The following RGS7 variants were observed in gnomAD, a reference collection of about 807,000 sequenced individuals.
RGS7 encodes the protein regulator of G-protein signaling 7.
A neutral mutation model predicts 81.1 loss-of-function variants in RGS7; 27 were observed. The ratio of observed to expected loss-of-function variants is 0.33; its 90% CI spans 0.25 to 0.46. The LOEUF is 0.46. Ranked by LOEUF, RGS7 falls within the 20% of genes least tolerant of loss-of-function variation. The pLI is 1.00. For synonymous variants in RGS7, 208 were observed against 207.7 expected (o/e 1.00, Z -0.01); for missense variants, 396 against 607.4 (o/e 0.65, Z 3.66).
In RGS7 at chr1:241,055,808, C is replaced by T. The variant is rs924725261; in HGVS notation, c.175+42858G>A. ...CTTCTTCAGTTTCCCTGGAAACCAG[C>T]CCCCATCCTGAGGCTACCCAGGAGC... On this transcript the variant is annotated intron_variant, in intron 3 of 18. Transcript: ENST00000440928. 1.8e-4 allele frequency among the ~76,000 whole-genome samples: 28 copies of T among 152,272 alleles called. 1 individual carries two copies. The highest frequency in any genetic ancestry group is 3.3e-4 in the Admixed American group (5 of 15,298).
Position 241,355,821 on chromosome 1 carries a change from T to A in RGS7, c.-45A>T, listed in dbSNP as rs997253389. The A allele has an allele frequency of 6.5e-7, 1 of 1,537,362 alleles. No homozygotes were observed. ...ACTCTCAAGATACAAGAATTATCAG[T>A]GTGCCCTGCAAAGGGTCAGAGAGAC... On this transcript the variant is annotated 5_prime_UTR_variant, in exon 2 of 19. Transcript: ENST00000440928.
chr1:240,819,253 CAG>C (rs1455316900), intron 10 of RGS7, among the ~76,000 whole-genome samples: 82 of 152,058 alleles, frequency 5.4e-4, no homozygotes, highest in Non-Finnish European at 4.4e-5. Flanking sequence ...GTCATATAAA[CAG>C]TGCTTATAAA....
chr1:241,143,837 G>A (rs893121065), intron 2 of RGS7, among the ~76,000 whole-genome samples: 1 of 152,174 alleles, frequency 6.6e-6, no homozygotes, highest in African/African-American at 2.4e-5. Context: ...TGAGGGCAAA[G>A]CCTCATGAAT....
At chr1:240,842,314 T>G (rs1344977719) in intron 9 of RGS7, among the ~76,000 whole-genome samples, 1 of 150,672 alleles carries the variant, frequency 6.6e-6, no homozygotes, top group African/African-American at 2.4e-5. Flanking sequence ...TTCTCATGCC[T>G]CAGCCTCCCG....
At chr1:240,825,548 C>T (rs1016596908) in intron 10 of RGS7, among the ~76,000 whole-genome samples, 2 of 152,112 alleles carry the variant, frequency 1.3e-5, no homozygotes, top group African/African-American at 2.4e-5. Flanking sequence ...CAAATGTTAG[C>T]GCTAGACAGC....
intron 2 of RGS7, among the ~76,000 whole-genome samples, chr1:241,319,845 C>G (rs1484940196): frequency 6.6e-6 from 1 of 152,170 alleles, no homozygotes; most frequent in Non-Finnish European, 1.5e-5. Flanking sequence ...GTAATCCCAG[C>G]ACTTTGGGAG....
At chr1:240,884,259 A>T (rs376003658) in intron 6 of RGS7, among the ~76,000 whole-genome samples, 1 of 152,156 alleles carries the variant, frequency 6.6e-6, no homozygotes, top group Non-Finnish European at 1.5e-5. Flanking sequence ...AAAAATATAC[A>T]TTAAATAAGA....
chr1:240,810,303 C>T (rs1689616506), intron 14 of RGS7, among the ~76,000 whole-genome samples: 1 of 152,064 alleles, frequency 6.6e-6, no homozygotes, highest in Admixed American at 6.6e-5. Flanking sequence ...GCTGGTAAGG[C>T]TTATTACTTA....
At chr1:241,161,261 GT>G (rs975314762) in intron 2 of RGS7, among the ~76,000 whole-genome samples, 3 of 152,102 alleles carry the variant, frequency 2.0e-5, no homozygotes, top group African/African-American at 7.2e-5. Flanking sequence ...GAATCCGTGA[GT>G]TCTTACACTG....
At chr1:241,114,266 T>C (rs937237716) in intron 2 of RGS7, among the ~76,000 whole-genome samples, 1 of 152,186 alleles carries the variant, frequency 6.6e-6, no homozygotes, top group Non-Finnish European at 1.5e-5. Flanking sequence ...AATCTAGTTA[T>C]ATTAGATACC....
chr1:241,196,606 T>C (rs1558178782), intron 2 of RGS7, among the ~76,000 whole-genome samples: 1 of 152,072 alleles, frequency 6.6e-6, no homozygotes, highest in East Asian at 1.9e-4. Flanking sequence ...AATAAGGTGA[T>C]ACAATTTATT....
chr1:241,205,432 T>C (rs185775726), intron 2 of RGS7, among the ~76,000 whole-genome samples: 5 of 151,718 alleles, frequency 3.3e-5, no homozygotes, highest in South Asian at 2.1e-4. Context: ...AATTAGCTAG[T>C]GGGAAAAAAT....
At chr1:240,956,920 A>C (rs1045635505) in intron 4 of RGS7, among the ~76,000 whole-genome samples, 1 of 152,182 alleles carries the variant, frequency 6.6e-6, no homozygotes, top group African/African-American at 2.4e-5. Flanking sequence ...AGTACTCCTC[A>C]AAACGGTTAA....
intron 3 of RGS7, among the ~76,000 whole-genome samples, chr1:241,016,685 G>T (rs931702015): frequency 2.0e-5 from 3 of 152,132 alleles, no homozygotes; most frequent in African/African-American, 7.2e-5. Context: ...TGTCTCTACT[G>T]TAATACTTCT....
intron 2 of RGS7, among the ~76,000 whole-genome samples, chr1:241,307,629 G>A (rs186391502): frequency 1.4e-4 from 21 of 152,182 alleles, no homozygotes; most frequent in South Asian, 8.3e-4. Context: ...ATTCTACGAC[G>A]GGCCTTTTAA....
chr1:241,278,960 C>T (rs2078350349), intron 2 of RGS7, among the ~76,000 whole-genome samples: 1 of 152,112 alleles, frequency 6.6e-6, no homozygotes, highest in Admixed American at 6.5e-5. Flanking sequence ...CTTTACTCCA[C>T]CATAAAAGGA....
rs1009241983 is a variant in RGS7, at chr1:241,288,571, C to T, written c.78+67128G>A. ...CAACATGGTGAGTAAAGGGAACCTT[C>T]TCTCTGATCCCCAGACACCCCAGAT... On this transcript the variant is annotated intron_variant, in intron 2 of 18. Coordinates refer to ENST00000440928, the MANE Select transcript of RGS7 (RefSeq NM_001364886.1). Among the ~76,000 whole-genome samples, 14 of 152,160 alleles carry T rather than the reference C, an allele frequency of 9.2e-5. 1 individual carries two copies. Among genetic ancestry groups the T allele is most frequent in the Non-Finnish European group, 2.1e-4 (14 of 68,040 alleles).
chr1:241,042,542 T>C (rs1295036878), intron 3 of RGS7, among the ~76,000 whole-genome samples: 1 of 152,158 alleles, frequency 6.6e-6, no homozygotes, highest in Non-Finnish European at 1.5e-5. Flanking sequence ...AGTACAGACA[T>C]AAAATAATAC....
chr1:241,130,146 A>G (rs553841314), intron 2 of RGS7, among the ~76,000 whole-genome samples: 2 of 152,276 alleles, frequency 1.3e-5, no homozygotes, highest in Non-Finnish European at 1.5e-5. Context: ...TCTATGTGGC[A>G]TGAAAATTGT....
Sources: allele counts gnomAD v4.1 joint callset (sites outside exome capture counted in the v4.1 genomes callset), GRCh38; gene constraint gnomAD v4.1.1; transcripts MANE v1.5; gene names NCBI Gene and HGNC (gene_info 2026-07-23, HGNC 2026-07-21).